The following STIMATE variants were observed in gnomAD, a reference collection of about 807,000 sequenced individuals.
STIMATE encodes store-operated calcium entry regulator STIMATE.
STIMATE carries 15 observed loss-of-function variants against 36.7 expected under a neutral mutation model. The observed-to-expected ratio is 0.41, with a 90% CI of 0.27 to 0.63. The LOEUF (loss-of-function observed/expected upper bound fraction) is 0.63, where lower values mean the gene tolerates loss of function less well. Ranked by LOEUF, STIMATE falls within the 20% of genes least tolerant of loss-of-function variation. The probability of loss-of-function intolerance (pLI) is 0.32; values close to 1 mark genes in which losing one functional copy is unlikely to be tolerated. For synonymous variants in STIMATE, 163 were observed against 162.3 expected, an observed-to-expected ratio of 1.00 and a Z score of -0.03; for missense variants, 305 against 397.3, an observed-to-expected ratio of 0.77 and a Z score of 1.98.
intron 1 of STIMATE, among the ~76,000 whole-genome samples, chr3:52,883,522 T>C (rs1434018918): frequency 2.6e-5 from 4 of 152,220 alleles, no homozygotes. Flanking sequence ...CATTATTTCT[T>C]CTAACATTTT....
At chr3:52,887,753 T>G (rs1162101152) in intron 1 of STIMATE, among the ~76,000 whole-genome samples, 2 of 152,126 alleles carry the variant, frequency 1.3e-5, no homozygotes, top group Admixed American at 6.6e-5. Context: ...GAGAATGAGA[T>G]TTCACTATAA....
At chr3:52,844,774 G>C in intron 5 of STIMATE, 55 bp downstream of exon 5, 1 of 1,593,136 alleles carries the variant, frequency 6.3e-7, no homozygotes, top group Non-Finnish European at 8.6e-7. Context: ...TGATGGGGAG[G>C]AAGTGCTGCT....
rs536673027 is a variant in STIMATE at position 52,861,998 on chromosome 3, G to A, written c.161-6554C>T. Reference sequence around the variant, plus strand: ...GTTCCCCTCTCAGGGCTCCTATGCCGAGGGCTTGCCAGCCTCTCCCTCCAG... The same window carrying A: ...GTTCCCCTCTCAGGGCTCCTATGCCAAGGGCTTGCCAGCCTCTCCCTCCAG... On this transcript the variant is annotated intron_variant, in intron 1 of 7. Transcript: ENST00000355083. Among the ~76,000 whole-genome samples the A allele has an allele frequency of 7.2e-5, 11 of 152,166 alleles. No homozygotes were observed. The South Asian group carries it at 1.2e-3, about 17-fold the overall frequency.
At chr3:52,860,818 A>C (rs916527072) in intron 1 of STIMATE, among the ~76,000 whole-genome samples, 4 of 152,144 alleles carry the variant, frequency 2.6e-5, no homozygotes, top group Non-Finnish European at 4.4e-5. Context: ...CTGACTCGGG[A>C]GGTGGGAGTT....
At position 52,840,692 on chromosome 3, in the gene STIMATE, A is replaced by T. The variant is rs1232898971; in HGVS notation, c.769-82T>A. 6.2e-6 allele frequency: 8 copies of T among 1,287,054 alleles called. No individual in the cohort carries two copies. The African/African-American group carries it at 1.1e-4, about 18-fold the overall frequency. 79.7% of individuals were successfully genotyped at this position (1,287,054 alleles called of 1,614,324 possible). On this transcript the variant is annotated intron_variant, in intron 7 of 7. Coordinates refer to ENST00000355083, the MANE Select transcript of STIMATE (RefSeq NM_198563.5). ...CCCTCCCTGGACCCTGGGCCCTTCA[A>T]GTCTCATGTTTTTTTTTTTTTTTTT...
chr3:52,858,407 G>A (rs879900307), intron 1 of STIMATE, among the ~76,000 whole-genome samples: 9 of 152,090 alleles, frequency 5.9e-5, no homozygotes, highest in Admixed American at 5.9e-4. Context: ...TGGATTGCTT[G>A]AGCCCAGGAG....
chr3:52,878,135 C>G (rs1701534669), intron 1 of STIMATE, among the ~76,000 whole-genome samples: 1 of 151,498 alleles, frequency 6.6e-6, no homozygotes, highest in Non-Finnish European at 1.5e-5. Context: ...CCTCCCCTAT[C>G]TTGAGAAGAA....
intron 7 of STIMATE, 78 bp downstream of exon 7, chr3:52,842,733 A>T: frequency 6.3e-7 from 1 of 1,596,704 alleles, no homozygotes. Flanking sequence ...GGAAGAACAT[A>T]CACAGACATG....
chr3:52,854,435 C>A lies in STIMATE; in HGVS notation c.209+961G>T, dbSNP rs1701058293. ...CAATCATGCCTACATGATGAACCCT[C>A]CATAAAAATCCCTAAACAATGGGAT... On this transcript the variant is annotated intron_variant, in intron 2 of 7. Coordinates refer to ENST00000355083, the MANE Select transcript of STIMATE (RefSeq NM_198563.5). 2.6e-5 allele frequency among the ~76,000 whole-genome samples: 4 copies of A among 152,210 alleles called. No individual in the cohort carries two copies. In the South Asian group the frequency reaches 8.3e-4, roughly 32 times the overall value.
At chr3:52,891,046 T>C (rs368882994) in intron 1 of STIMATE, among the ~76,000 whole-genome samples, 1 of 151,630 alleles carries the variant, frequency 6.6e-6, no homozygotes, top group East Asian at 1.9e-4. Context: ...ATATTTTTAA[T>C]GTTATCAACA....
chr3:52,874,178 A>AG (rs1356729217), intron 1 of STIMATE, among the ~76,000 whole-genome samples: 1 of 152,226 alleles, frequency 6.6e-6, no homozygotes, highest in East Asian at 1.9e-4. Context: ...TCGATAGGGA[A>AG]GGGGTTGATC....
intron 3 of STIMATE, among the ~76,000 whole-genome samples, chr3:52,850,797 C>A: frequency 6.6e-6 from 1 of 152,210 alleles, no homozygotes; most frequent in Middle Eastern, 3.2e-3. Context: ...GCGGTGCAAT[C>A]AGCTCACTGC....
chr3:52,846,267 C>A (rs1041559452), intron 4 of STIMATE, among the ~76,000 whole-genome samples: 11 of 152,228 alleles, frequency 7.2e-5, no homozygotes, highest in Admixed American at 1.3e-4. Flanking sequence ...AGCCAAAAAA[C>A]CCATTTCATA....
At position 52,895,032 on chromosome 3, in the gene STIMATE, A is replaced by C. The variant is rs566005178; in HGVS notation, c.160+2259T>G. On this transcript the variant is annotated intron_variant, in intron 1 of 7. Coordinates refer to ENST00000355083, the MANE Select transcript of STIMATE (RefSeq NM_198563.5). ...CCTCGTCAGGGGAGCCTGGCCTTCA[A>C]CAGATGCCCCTCCTGGCAGCTCCGC... Among the ~76,000 whole-genome samples, 3 of 152,354 alleles carry C rather than the reference A, an allele frequency of 2.0e-5. No individual in the cohort carries two copies. The South Asian group carries it at 6.2e-4, about 32-fold the overall frequency.
intron 4 of STIMATE, chr3:52,848,152 T>C (rs778867519): frequency 3.3e-5 from 5 of 152,478 alleles, no homozygotes; most frequent in African/African-American, 7.2e-5. Flanking sequence ...ACAACAGAAA[T>C]TGATGGAAAT....
intron 2 of STIMATE, among the ~76,000 whole-genome samples, chr3:52,854,395 G>A (rs1172945326): frequency 1.3e-5 from 2 of 152,190 alleles, no homozygotes; most frequent in African/African-American, 4.8e-5. Flanking sequence ...AGGGGCTGGA[G>A]ACTGAGTTAA....
intron 1 of STIMATE, among the ~76,000 whole-genome samples, chr3:52,888,527 CTG>C (rs1435131754): frequency 1.3e-5 from 2 of 152,236 alleles, no homozygotes; most frequent in Non-Finnish European, 2.9e-5. Context: ...CACCGTGTGG[CTG>C]TGTTTCAACT....
Position 52,859,502 on chromosome 3 carries a change from C to CAA in STIMATE, c.161-4060_161-4059dup, listed in dbSNP as rs34298807. On this transcript the variant is annotated intron_variant, in intron 1 of 7. Transcript: ENST00000355083. Reference sequence around the variant, plus strand: ...AGCAACAAAGCAAGACCCATTTCTCCAAAAAAAAAAAAAAAAAAAAAAAAA... The same window carrying CAA: ...AGCAACAAAGCAAGACCCATTTCTCCAAAAAAAAAAAAAAAAAAAAAAAAAAA... Among the ~76,000 whole-genome samples the CAA allele has an allele frequency of 4.1e-3, 64 of 15,634 alleles. 8 individuals are homozygous for CAA. The highest frequency in any genetic ancestry group is 7.6e-3 in the South Asian group (2 of 262). 10.3% of individuals were successfully genotyped at this position (15,634 alleles called of 152,430 possible).
chr3:52,858,733 T>C (rs1290429418), intron 1 of STIMATE, among the ~76,000 whole-genome samples: 5 of 152,364 alleles, frequency 3.3e-5, no homozygotes, highest in African/African-American at 7.2e-5. Context: ...ACAAGTATTA[T>C]TGCAGGTGTG....
Sources: allele counts gnomAD v4.1 joint callset (sites outside exome capture counted in the v4.1 genomes callset), GRCh38; gene constraint gnomAD v4.1.1; transcripts MANE v1.5; gene names NCBI Gene and HGNC (gene_info 2026-07-23, HGNC 2026-07-21).